SRD5A2: variants seen among roughly 807,000 people sequenced by gnomAD.
SRD5A2 encodes the protein 3-oxo-5-alpha-steroid 4-dehydrogenase 2.
A neutral mutation model predicts 27.4 loss-of-function variants in SRD5A2; 30 were observed. The observed-to-expected ratio is 1.10, with a 90% CI of 0.82 to 1.49. The LOEUF (loss-of-function observed/expected upper bound fraction) is 1.49. SRD5A2 is among the 40% of genes most tolerant of loss of function. SRD5A2 has a pLI of 0.00. For synonymous variants in SRD5A2, 141 were observed against 133.6 expected (o/e 1.06, Z -0.38); for missense variants, 348 against 323.4 (o/e 1.08, Z -0.58).
chr2:31,591,339 C>T, the SRD5A2 span, among the ~76,000 whole-genome samples: 1 of 152,286 alleles, frequency 6.6e-6, no homozygotes, highest in East Asian at 1.9e-4. Flanking sequence ...TGAAAAAATG[C>T]TCATCATCAC....
At chr2:31,544,985 A>T (rs865969882) in intron 1 of SRD5A2, among the ~76,000 whole-genome samples, 45 of 152,020 alleles carry the variant, frequency 3.0e-4, no homozygotes, top group African/African-American at 9.9e-4. Context: ...TACTAAACCT[A>T]CCAAGACTAA....
At chr2:31,531,237 G>C (rs1302976262) in intron 3 of SRD5A2, 134 bp downstream of exon 3, 1 of 622,644 alleles carries the variant, frequency 1.6e-6, no homozygotes, top group African/African-American at 1.9e-5. Flanking sequence ...GGGTTTGCAG[G>C]GGAAGTCAAG....
At chr2:31,646,517 G>C in the SRD5A2 span, among the ~76,000 whole-genome samples, 2 of 152,120 alleles carry the variant, frequency 1.3e-5, no homozygotes, top group Non-Finnish European at 2.9e-5. Flanking sequence ...TGTCCCATGA[G>C]AGGCAAACAC....
chr2:31,632,229 C>A, the SRD5A2 span, among the ~76,000 whole-genome samples: 2 of 152,172 alleles, frequency 1.3e-5, no homozygotes, highest in South Asian at 2.1e-4. Flanking sequence ...ATGGGACAAA[C>A]GACATAAGAA....
intron 1 of SRD5A2, among the ~76,000 whole-genome samples, chr2:31,543,632 T>C (rs74729077): frequency 0.013 from 2,000 of 152,226 alleles, 32 homozygotes; most frequent in Non-Finnish European, 0.022. Context: ...CAAAGAGAGA[T>C]GGGAAGGAGC....
the SRD5A2 span, among the ~76,000 whole-genome samples, chr2:31,659,398 A>G: frequency 6.6e-6 from 1 of 152,054 alleles, no homozygotes; most frequent in African/African-American, 2.4e-5. Flanking sequence ...AACTATTCCT[A>G]TTTGCATGCA....
At chr2:31,536,428 G>C (rs1666028624) in intron 1 of SRD5A2, among the ~76,000 whole-genome samples, 1 of 152,160 alleles carries the variant, frequency 6.6e-6, no homozygotes, top group Non-Finnish European at 1.5e-5. Context: ...GGAAGAGAGA[G>C]GACAAGGAGG....
At chr2:31,645,323 A>C in the SRD5A2 span, among the ~76,000 whole-genome samples, 1 of 152,228 alleles carries the variant, frequency 6.6e-6, no homozygotes, top group African/African-American at 2.4e-5. Context: ...AACTCAACGG[A>C]TAAATGCTTG....
At chr2:31,602,062 A>C in the SRD5A2 span, among the ~76,000 whole-genome samples, 1 of 152,238 alleles carries the variant, frequency 6.6e-6, no homozygotes, top group African/African-American at 2.4e-5. Context: ...GGCCAGGGCA[A>C]TCGGGCAAGA....
the SRD5A2 span, among the ~76,000 whole-genome samples, chr2:31,618,947 T>C: frequency 6.6e-6 from 1 of 152,176 alleles, no homozygotes; most frequent in Non-Finnish European, 1.5e-5. Context: ...CTGATAAATC[T>C]ACATAATTAT....
At chr2:31,610,635 A>G in the SRD5A2 span, among the ~76,000 whole-genome samples, 1 of 152,196 alleles carries the variant, frequency 6.6e-6, no homozygotes, top group African/African-American at 2.4e-5. Flanking sequence ...AGTCCTAGCC[A>G]AAACAATTAG....
chr2:31,537,923 G>C (rs1666058598), intron 1 of SRD5A2, among the ~76,000 whole-genome samples: 1 of 152,070 alleles, frequency 6.6e-6, no homozygotes, highest in Admixed American at 6.5e-5. Flanking sequence ...CACCAAGAAG[G>C]AGTCCATCAG....
chr2:31,622,946 T>C, the SRD5A2 span, among the ~76,000 whole-genome samples: 3 of 152,132 alleles, frequency 2.0e-5, no homozygotes, highest in Non-Finnish European at 4.4e-5. Flanking sequence ...GGCATCCACT[T>C]ATCAAGCTTT....
the SRD5A2 span, among the ~76,000 whole-genome samples, chr2:31,624,401 A>G: frequency 6.6e-6 from 1 of 151,996 alleles, no homozygotes; most frequent in Non-Finnish European, 1.5e-5. Context: ...TCTAGGGTAC[A>G]TGTGCACAAC....
the SRD5A2 span, among the ~76,000 whole-genome samples, chr2:31,631,432 G>C: frequency 6.6e-6 from 1 of 152,164 alleles, no homozygotes; most frequent in Non-Finnish European, 1.5e-5. Flanking sequence ...AATGCTTATT[G>C]GAAAATGACT....
chr2:31,606,403 T>C, the SRD5A2 span, among the ~76,000 whole-genome samples: 1 of 151,950 alleles, frequency 6.6e-6, no homozygotes, highest in African/African-American at 2.4e-5. Context: ...ATTGTACCCC[T>C]TAAATATATA....
In SRD5A2 at chr2:31,562,002, A is replaced by T. The variant is rs137968716; in HGVS notation, c.281+18618T>A. Among the ~76,000 whole-genome samples, 52 of 152,250 alleles carry T rather than the reference A, an allele frequency of 3.4e-4. No homozygotes were observed. The South Asian group carries it at 8.1e-3, about 24-fold the overall frequency. On this transcript the variant is annotated intron_variant, in intron 1 of 4. Coordinates refer to ENST00000622030, the MANE Select transcript of SRD5A2 (RefSeq NM_000348.4). ...ATTACAAAATCAAGAAAATACAAAT[A>T]TTGACATGGGATGGTTTTCAGCTTG...
chr2:31,608,484 A>G, the SRD5A2 span, among the ~76,000 whole-genome samples: 1 of 152,028 alleles, frequency 6.6e-6, no homozygotes, highest in South Asian at 2.1e-4. Context: ...AAAGAAAGAC[A>G]TAAGCTATGT....
the SRD5A2 span, among the ~76,000 whole-genome samples, chr2:31,645,301 A>G: frequency 1.3e-5 from 2 of 152,222 alleles, no homozygotes; most frequent in South Asian, 2.1e-4. Flanking sequence ...AAATAACTTA[A>G]AGAGTGTTTG....
Sources: gnomAD v4.1 joint callset for allele counts (sites outside exome capture counted in the v4.1 genomes callset) on GRCh38, gnomAD v4.1.1 for gene constraint, MANE v1.5 for transcripts, NCBI Gene and HGNC (gene_info 2026-07-23, HGNC 2026-07-21) for gene names.